HDAC9: variants seen among roughly 807,000 people sequenced by gnomAD.
HDAC9 encodes MEF-2 interacting transcription repressor (MITR) protein.
A neutral mutation model predicts 139.4 loss-of-function variants in HDAC9; 41 were observed. The ratio of observed to expected loss-of-function variants is 0.29; its 90% CI spans 0.23 to 0.38. The LOEUF is 0.38. HDAC9 is among the 10% of genes least tolerant of loss of function. The pLI, the probability that HDAC9 is intolerant of heterozygous loss-of-function variation, is 1.00. For missense variants in HDAC9, 1,147 were observed against 1,297.0 expected, an observed-to-expected ratio of 0.88 and a Z score of 1.78; for synonymous variants, 517 against 476.2, an observed-to-expected ratio of 1.09 and a Z score of -1.12.
intron 23 of HDAC9, among the ~76,000 whole-genome samples, chr7:18,950,632 G>A (rs1192614227): frequency 6.6e-6 from 1 of 151,950 alleles, no homozygotes; most frequent in Admixed American, 6.6e-5. Flanking sequence ...GGATAAAAAT[G>A]ACTTTCTACT....
intron 6 of HDAC9, among the ~76,000 whole-genome samples, chr7:18,597,221 G>A (rs1832742525): frequency 6.6e-6 from 1 of 152,134 alleles, no homozygotes; most frequent in Non-Finnish European, 1.5e-5. Flanking sequence ...AGAATGGAGT[G>A]ACTTCTCCTC....
chr7:18,744,753 C>T (rs765684682), intron 13 of HDAC9, among the ~76,000 whole-genome samples: 2 of 151,986 alleles, frequency 1.3e-5, no homozygotes, highest in African/African-American at 4.8e-5. Flanking sequence ...CTAGATGCTA[C>T]AAATACATTA....
intron 2 of HDAC9, among the ~76,000 whole-genome samples, chr7:18,184,010 G>A (rs960613059): frequency 6.6e-6 from 1 of 152,046 alleles, no homozygotes; most frequent in African/African-American, 2.4e-5. Flanking sequence ...TTTGTTACCT[G>A]TTATTGCATG....
chr7:18,304,695 A>C (rs1585086123), intron 1 of HDAC9, among the ~76,000 whole-genome samples: 1 of 152,204 alleles, frequency 6.6e-6, no homozygotes, highest in East Asian at 1.9e-4. Context: ...CATATTCTAC[A>C]CTGTTGATAT....
At chr7:18,469,475 G>A (rs958126953) in intron 1 of HDAC9, among the ~76,000 whole-genome samples, 6 of 151,806 alleles carry the variant, frequency 4.0e-5, no homozygotes, top group East Asian at 1.9e-4. Flanking sequence ...TCACATTAAC[G>A]AGAAAAAAAA....
intron 1 of HDAC9, among the ~76,000 whole-genome samples, chr7:18,349,726 T>C (rs1195350109): frequency 6.6e-6 from 1 of 152,070 alleles, no homozygotes; most frequent in East Asian, 1.9e-4. Flanking sequence ...AATGTGGTGT[T>C]GTGTTTTACT....
intron 1 of HDAC9, among the ~76,000 whole-genome samples, chr7:18,098,123 G>A (rs143616150): frequency 6.6e-6 from 1 of 152,296 alleles, no homozygotes; most frequent in Non-Finnish European, 1.5e-5. Flanking sequence ...TACATAAGAT[G>A]TAATCCCATC....
intron 1 of HDAC9, among the ~76,000 whole-genome samples, chr7:18,293,474 C>G (rs1797950291): frequency 6.6e-6 from 1 of 152,008 alleles, no homozygotes; most frequent in Non-Finnish European, 1.5e-5. Flanking sequence ...CACATGGACA[C>G]AGGAAGGGGA....
At chr7:18,930,610 T>A (rs1804655320) in intron 22 of HDAC9, among the ~76,000 whole-genome samples, 1 of 124,626 alleles carries the variant, frequency 8.0e-6, no homozygotes, top group Non-Finnish European at 1.9e-5. Context: ...GAATTCAGGA[T>A]AATAAAATTA....
intron 2 of HDAC9, among the ~76,000 whole-genome samples, chr7:18,579,303 A>C (rs757835741): frequency 6.6e-6 from 1 of 152,222 alleles, no homozygotes; most frequent in Non-Finnish European, 1.5e-5. Context: ...AATTTGCAGT[A>C]AACTATTGTT....
chr7:18,427,589 A>T (rs1161093977), intron 1 of HDAC9, among the ~76,000 whole-genome samples: 3 of 151,508 alleles, frequency 2.0e-5, no homozygotes, highest in African/African-American at 7.3e-5. Flanking sequence ...GGCCTCCACC[A>T]TGGCTCTTGG....
intron 2 of HDAC9, among the ~76,000 whole-genome samples, chr7:18,524,786 C>T (rs1187864796): frequency 6.6e-6 from 1 of 151,382 alleles, no homozygotes; most frequent in Non-Finnish European, 1.5e-5. Context: ...ACCTCCCAAA[C>T]CCCTGAGTTG....
chr7:18,820,805 T>C lies in HDAC9; in HGVS notation c.2323-8356T>C, dbSNP rs116132308. ...GTGTAATAAACATAATAACAACAAA[T>C]GTATTAAATAATCACACCAAGAGGT... On this transcript the variant is annotated intron_variant, in intron 17 of 25. Coordinates refer to ENST00000686413, the MANE Select transcript of HDAC9 (RefSeq NM_178425.4). Among the ~76,000 whole-genome samples, 1,298 of 152,160 alleles carry C rather than the reference T, an allele frequency of 8.5e-3. 22 individuals are homozygous for C. Among genetic ancestry groups the C allele is most frequent in the African/African-American group, 0.03 (1,250 of 41,498 alleles).
intron 24 of HDAC9, among the ~76,000 whole-genome samples, chr7:18,973,186 C>A (rs1320596185): frequency 6.6e-6 from 1 of 152,126 alleles, no homozygotes; most frequent in Admixed American, 6.5e-5. Flanking sequence ...TGTAGAAACA[C>A]CGAGCACAGT....
At chr7:18,198,157 T>G (rs944031639) in intron 2 of HDAC9, among the ~76,000 whole-genome samples, 4 of 152,142 alleles carry the variant, frequency 2.6e-5, no homozygotes, top group African/African-American at 9.7e-5. Context: ...TGTAATAGAT[T>G]AAATAAATCA....
intron 12 of HDAC9, among the ~76,000 whole-genome samples, chr7:18,691,285 G>C (rs1200269023): frequency 6.6e-6 from 1 of 151,946 alleles, no homozygotes; most frequent in Admixed American, 6.6e-5. Flanking sequence ...TGCAATTTAA[G>C]TATTTAACAT....
At chr7:18,902,444 ACT>A (rs1801816951) in intron 22 of HDAC9, among the ~76,000 whole-genome samples, 2 of 152,118 alleles carry the variant, frequency 1.3e-5, no homozygotes, top group African/African-American at 4.8e-5. Flanking sequence ...GGCAGGAATA[ACT>A]CTCTGTGTTT....
chr7:18,921,772 T>G (rs1365178135), intron 22 of HDAC9, among the ~76,000 whole-genome samples: 4 of 152,088 alleles, frequency 2.6e-5, no homozygotes, highest in Non-Finnish European at 4.4e-5. Context: ...TAAAGACACA[T>G]GTACACGTAT....
chr7:18,192,603 A>T (rs1479783293), intron 2 of HDAC9, among the ~76,000 whole-genome samples: 2 of 152,126 alleles, frequency 1.3e-5, no homozygotes, highest in Non-Finnish European at 2.9e-5. Context: ...GTCATTAAGG[A>T]TATAGTATTT....
Sources: allele counts gnomAD v4.1 joint callset (sites outside exome capture counted in the v4.1 genomes callset), GRCh38; gene constraint gnomAD v4.1.1; transcripts MANE v1.5; gene names NCBI Gene and HGNC (gene_info 2026-07-23, HGNC 2026-07-21).